TMEM11: variants seen among roughly 807,000 people sequenced by gnomAD.
TMEM11 encodes the protein transmembrane protein 11, mitochondrial.
TMEM11 carries 1 observed loss-of-function variant against 17.0 expected under a neutral mutation model. The ratio of observed to expected loss-of-function variants is 0.06; its 90% CI spans 0.02 to 0.28. TMEM11 has a LOEUF of 0.28. Ranked by LOEUF, TMEM11 falls within the 10% of genes least tolerant of loss-of-function variation. The pLI is 1.00. For missense variants in TMEM11, 172 were observed against 252.9 expected (o/e 0.68, Z 2.17); for synonymous variants, 122 against 118.1 (o/e 1.03, Z -0.21).
chr17:21,207,397 G>T (rs1182903731), intron 1 of TMEM11, among the ~76,000 whole-genome samples: 1 of 151,850 alleles, frequency 6.6e-6, no homozygotes, highest in Non-Finnish European at 1.5e-5. Context: ...GGGCGTGGTG[G>T]TGCATGCCTG....
intron 1 of TMEM11, chr17:21,213,422 G>A (rs1416723070): frequency 1.3e-5 from 2 of 152,260 alleles, no homozygotes; most frequent in Admixed American, 1.3e-4. Context: ...CCTGTTGGAA[G>A]AAACACGCTC....
intron 1 of TMEM11, chr17:21,211,119 C>A (rs1249262927): frequency 3.1e-6 from 4 of 1,289,722 alleles, no homozygotes; most frequent in Non-Finnish European, 4.0e-6. Context: ...GCCGACAGGA[C>A]AAGTGGCAAT....
intron 1 of TMEM11, among the ~76,000 whole-genome samples, chr17:21,204,231 C>T (rs934729312): frequency 2.7e-5 from 4 of 150,870 alleles, no homozygotes; most frequent in Admixed American, 1.3e-4. Flanking sequence ...ATCAGGAGTT[C>T]GAGACCAGCC....
intron 1 of TMEM11, among the ~76,000 whole-genome samples, chr17:21,205,144 C>T (rs1974928605): frequency 6.6e-6 from 1 of 152,134 alleles, no homozygotes; most frequent in Non-Finnish European, 1.5e-5. Flanking sequence ...CAGGGCAACT[C>T]CACGGCCCCT....
At chr17:21,207,937 C>G (rs1186151018) in intron 1 of TMEM11, among the ~76,000 whole-genome samples, 2 of 151,486 alleles carry the variant, frequency 1.3e-5, no homozygotes, top group Admixed American at 1.3e-4. Context: ...GGATGGTGGC[C>G]TAATAGGTGA....
intron 1 of TMEM11, among the ~76,000 whole-genome samples, chr17:21,208,139 A>C (rs1436629871): frequency 3.3e-5 from 5 of 151,044 alleles, no homozygotes; most frequent in African/African-American, 7.3e-5. Context: ...ACTACAGGCA[A>C]TCGCCACCAC....
intron 1 of TMEM11, among the ~76,000 whole-genome samples, chr17:21,199,789 GGAGAA>G (rs772212186): frequency 2.6e-5 from 4 of 152,302 alleles, no homozygotes; most frequent in Non-Finnish European, 5.9e-5. Context: ...GCTGCGGAGG[GGAGAA>G]GAGGAGACCC....
rs1005565761 is a variant in TMEM11, at chr17:21,206,123, A to C, written c.63-7283T>G. ...TTCAATTTTTTAGTTTTTTTGAGGA[A>C]TCTCTATACTGTTTTCCAGAGCAGC... On this transcript the variant is annotated intron_variant, in intron 1 of 1. Coordinates refer to ENST00000317635, the MANE Select transcript of TMEM11 (RefSeq NM_003876.3). Among the ~76,000 whole-genome samples, 7 of 151,746 alleles carry C rather than the reference A, an allele frequency of 4.6e-5. 1 individual carries two copies. The highest frequency in any genetic ancestry group is 3.9e-4 in the Admixed American group (6 of 15,210).
chr17:21,205,312 G>T (rs537716193), intron 1 of TMEM11, among the ~76,000 whole-genome samples: 1 of 152,250 alleles, frequency 6.6e-6, no homozygotes, highest in South Asian at 2.1e-4. Flanking sequence ...CTCCATTAGT[G>T]ACATGAATCA....
intron 1 of TMEM11, among the ~76,000 whole-genome samples, chr17:21,201,820 T>C (rs1185010939): frequency 4.6e-5 from 7 of 152,110 alleles, no homozygotes; most frequent in Non-Finnish European, 8.8e-5. Flanking sequence ...GTTGTACAGA[T>C]GGGGTTATGC....
chr17:21,198,907 T>TA lies in TMEM11; in HGVS notation c.63-68dup. The TA allele has an allele frequency of 6.5e-7, 1 of 1,535,190 alleles. No individual in the cohort carries two copies. The highest frequency in any genetic ancestry group is 1.3e-5 in the South Asian group (1 of 79,984). On this transcript the variant is annotated intron_variant, in intron 1 of 1. Transcript: ENST00000317635. The surrounding 1 kb of genome is among the most constrained non-coding windows in gnomAD (Gnocchi z 6.5). ...CAGGATGATTAGGCTGAGGAGCACT[T>TA]AACTGTGTTTCAGCGCTGGGGGAGG...
intron 1 of TMEM11, among the ~76,000 whole-genome samples, chr17:21,203,445 G>C (rs1027459990): frequency 6.6e-6 from 1 of 152,168 alleles, no homozygotes; most frequent in Non-Finnish European, 1.5e-5. Context: ...GACCAGGTGC[G>C]GTGGCTCACG....
At chr17:21,213,426 C>T (rs1975024215) in intron 1 of TMEM11, 1 of 152,226 alleles carries the variant, frequency 6.6e-6, no homozygotes, top group East Asian at 1.9e-4. Flanking sequence ...TTGGAAGAAA[C>T]ACGCTCCTAG....
Position 21,198,936 on chromosome 17 carries a change from G to C in TMEM11, c.63-96C>G, listed in dbSNP as rs111244431. The C allele has an allele frequency of 6.6e-6, 9 of 1,368,306 alleles. 1 individual carries two copies. The highest frequency in any genetic ancestry group is 5.7e-5 in the African/African-American group (4 of 69,592). The allele number at this position is 1,368,306 out of a possible 1,614,324, so 84.8% of individuals were successfully genotyped here. On this transcript the variant is annotated intron_variant, in intron 1 of 1. Coordinates refer to ENST00000317635, the MANE Select transcript of TMEM11 (RefSeq NM_003876.3). This position sits in a 1 kb window ranked among gnomAD's most constrained non-coding sequence, Gnocchi z 6.5. ...TGTGTTTCAGCGCTGGGGGAGGTCT[G>C]AGCCTGCACTGCGGAGAGCACATCT... is the stretch of plus-strand genomic sequence containing the variant.
chr17:21,213,205 C>G (rs1409651231), intron 1 of TMEM11: 2 of 152,138 alleles, frequency 1.3e-5, no homozygotes, highest in Non-Finnish European at 2.9e-5. Flanking sequence ...TTTTGCTGAC[C>G]GCTGCTATAA....
At chr17:21,201,285 T>C (rs954461684) in intron 1 of TMEM11, among the ~76,000 whole-genome samples, 2 of 152,216 alleles carry the variant, frequency 1.3e-5, no homozygotes, top group African/African-American at 4.8e-5. Flanking sequence ...CGGAACTCTT[T>C]ATCCTGAAAA....
rs371720143 is a variant in TMEM11 at position 21,198,498 on chromosome 17, T to C, written c.405A>G (p.Gln135=). 1.2e-6 allele frequency: 2 copies of C among 1,614,186 alleles called. No individual in the cohort carries two copies. Among genetic ancestry groups the C allele is most frequent in the Non-Finnish European group, 1.7e-6 (2 of 1,180,032 alleles). ...ACAGTTTATAGGCGTCGTACTCCACTTGGTACTTGCAGCAAGGGTCAAACT... is the reference window on the plus strand; with the variant it reads ...ACAGTTTATAGGCGTCGTACTCCACCTGGTACTTGCAGCAAGGGTCAAACT... ...SWQFDPCCKY[Q]VEYDAYKLSR... The change falls in exon 2 of 2, where the codon CAA becomes CAG. Residue 135 remains glutamine, a synonymous_variant. Transcript: ENST00000317635. This position sits in a 1 kb window ranked among gnomAD's most constrained non-coding sequence, Gnocchi z 6.5.
At chr17:21,204,930 C>T (rs1359947142) in intron 1 of TMEM11, among the ~76,000 whole-genome samples, 1 of 152,110 alleles carries the variant, frequency 6.6e-6, no homozygotes, top group Non-Finnish European at 1.5e-5. Context: ...CTGAATGGGA[C>T]CGCTCTCTGC....
Position 21,214,128 on chromosome 17 carries a change from G to C in TMEM11, c.25C>G (p.Leu9Val). The C allele has an allele frequency of 6.2e-7, 1 of 1,612,310 alleles. No individual in the cohort carries two copies. Among genetic ancestry groups the C allele is most frequent in the Non-Finnish European group, 8.5e-7 (1 of 1,179,646 alleles). Residue 9 changes from leucine to valine, a missense_variant, in exon 1 of 2, where the codon CTT (leucine) becomes GTT (valine). Leu to Val is a conservative substitution (Grantham distance 32, BLOSUM62 1). Around this residue, in one of 2 missense-constraint regions of TMEM11, gnomAD observed 49 missense variants for 39.3 expected, o/e 1.25. Transcript: ENST00000317635. ...CTGCCGCCACTGCTGCCCGGGCCAA[G>C]ACGCCTCCTTCCCCAAGCGGCCATC... Reference protein sequence around the residue: MAAWGRRRLGPGSSGGSAR... With the variant: MAAWGRRRVGPGSSGGSAR...
Sources: allele counts gnomAD v4.1 joint callset (sites outside exome capture counted in the v4.1 genomes callset), GRCh38; gene constraint gnomAD v4.1.1; regional missense constraint gnomAD v4.1.1; non-coding constraint Gnocchi (gnomAD v3.1); transcripts MANE v1.5; gene names NCBI Gene and HGNC (gene_info 2026-07-23, HGNC 2026-07-21).